The following SDK1 variants were observed in gnomAD, a reference collection of about 807,000 sequenced individuals.
The protein encoded by SDK1 is sidekick cell adhesion molecule 1.
In SDK1, 157 loss-of-function variants were observed where a neutral mutation model predicts 245.5. That is an observed-to-expected ratio of 0.64 (90% CI 0.56 to 0.73). SDK1 has a LOEUF of 0.73. Among genes scored for constraint, SDK1 ranks in the 30% least tolerant of loss-of-function variants. SDK1 has a pLI of 0.00. For missense variants in SDK1, 3,583 were observed against 3,002.3 expected, an observed-to-expected ratio of 1.19 and a Z score of -4.52; for synonymous variants, 1,647 against 1,278.5, an observed-to-expected ratio of 1.29 and a Z score of -6.15.
chr7:3,854,450 T>A (rs1159630470), intron 5 of SDK1, among the ~76,000 whole-genome samples: 1 of 152,236 alleles, frequency 6.6e-6, no homozygotes, highest in African/African-American at 2.4e-5. Flanking sequence ...TCTCATTTCC[T>A]TACCTGAAAT....
intron 13 of SDK1, among the ~76,000 whole-genome samples, chr7:3,975,105 G>T (rs143122990): frequency 6.6e-6 from 1 of 152,140 alleles, no homozygotes; most frequent in Non-Finnish European, 1.5e-5. Flanking sequence ...AAGAGCCCAG[G>T]CGGGAAACCG....
At position 4,061,898 on chromosome 7, in the gene SDK1, G is replaced by A. The variant is rs868584653; in HGVS notation, c.2912-5940G>A. Among the ~76,000 whole-genome samples the A allele has an allele frequency of 5.5e-5, 8 of 146,032 alleles. 1 individual carries two copies. Among genetic ancestry groups the A allele is most frequent in the South Asian group, 4.4e-4 (2 of 4,536 alleles). ...ATCGCAAGAACAAAAAACCAAACAC[G>A]GCATATTCTCACTCATAGGTGGGAA... On this transcript the variant is annotated intron_variant, in intron 19 of 44. Coordinates refer to ENST00000404826, the MANE Select transcript of SDK1 (RefSeq NM_152744.4).
chr7:3,463,962 T>C (rs1780912155), intron 1 of SDK1, among the ~76,000 whole-genome samples: 1 of 152,190 alleles, frequency 6.6e-6, no homozygotes, highest in Non-Finnish European at 1.5e-5. Flanking sequence ...CTCTGGAGCT[T>C]CATTACCCAG....
chr7:3,716,752 C>T (rs1285944676), intron 4 of SDK1, among the ~76,000 whole-genome samples: 2 of 148,210 alleles, frequency 1.3e-5, no homozygotes, highest in Non-Finnish European at 1.5e-5. Flanking sequence ...AAGTGAGACC[C>T]TGTCTCACCA....
At chr7:4,125,248 G>A (rs973133328) in intron 25 of SDK1, among the ~76,000 whole-genome samples, 1 of 150,762 alleles carries the variant, frequency 6.6e-6, no homozygotes, top group Non-Finnish European at 1.5e-5. Flanking sequence ...ATGGAGGAAT[G>A]AATGGATGGA....
intron 14 of SDK1, among the ~76,000 whole-genome samples, chr7:3,990,925 C>T (rs549125342): frequency 6.6e-6 from 1 of 152,194 alleles, no homozygotes; most frequent in Non-Finnish European, 1.5e-5. Flanking sequence ...AAGCAGGTTT[C>T]GTGTGTAACT....
chr7:3,687,585 C>G (rs528828102), intron 4 of SDK1, among the ~76,000 whole-genome samples: 1 of 152,274 alleles, frequency 6.6e-6, no homozygotes, highest in South Asian at 2.1e-4. Flanking sequence ...GGATGCATCT[C>G]CAAGAAATGG....
rs149213681 is a variant in SDK1, at chr7:3,944,006, A to G, written c.848-6917A>G. ...TCAGTGTCTTCACCTCCAGCCACCT[A>G]AAACCAGCCTGGGAAACGTTCAGTT... On this transcript the variant is annotated intron_variant, in intron 5 of 44. Coordinates refer to ENST00000404826, the MANE Select transcript of SDK1 (RefSeq NM_152744.4). 4.4e-3 allele frequency among the ~76,000 whole-genome samples: 668 copies of G among 152,330 alleles called. 4 individuals are homozygous for G. Among genetic ancestry groups the G allele is most frequent in the Middle Eastern group, 0.017 (5 of 294 alleles).
chr7:3,529,048 A>G (rs1466252997), intron 1 of SDK1, among the ~76,000 whole-genome samples: 1 of 152,148 alleles, frequency 6.6e-6, no homozygotes, highest in Non-Finnish European at 1.5e-5. Flanking sequence ...AAGTAAATAT[A>G]TTGAGGGTAA....
chr7:4,177,913 T>A (rs1372935154), intron 34 of SDK1, among the ~76,000 whole-genome samples: 3 of 152,038 alleles, frequency 2.0e-5, no homozygotes, highest in Non-Finnish European at 1.5e-5. Flanking sequence ...TAGATTCTCA[T>A]AAGAGTGCAA....
chr7:3,951,541 A>G (rs1270866460), intron 6 of SDK1, among the ~76,000 whole-genome samples, 189 bp from the exon 7 acceptor site: 1 of 152,208 alleles, frequency 6.6e-6, no homozygotes, highest in African/African-American at 2.4e-5. Context: ...CTTGAGCAGA[A>G]TGCATCGTCA....
At chr7:4,239,782 C>T (rs756637967) in intron 42 of SDK1, among the ~76,000 whole-genome samples, 2 of 152,218 alleles carry the variant, frequency 1.3e-5, no homozygotes, top group Non-Finnish European at 2.9e-5. Context: ...CTGAGCTCAG[C>T]TCATTTGTTG....
In SDK1 at chr7:3,877,232, T is replaced by G. The variant is rs144285545; in HGVS notation, c.847+55649T>G. ...GCCCATGGCAGCTGAGCGTTGCCCC[T>G]GTTTTTTCCATGCATTGGAGAGTCC... On this transcript the variant is annotated intron_variant, in intron 5 of 44. Transcript: ENST00000404826. 4.9e-3 allele frequency among the ~76,000 whole-genome samples: 751 copies of G among 152,330 alleles called. 7 individuals are homozygous for G. The highest frequency in any genetic ancestry group is 0.017 in the African/African-American group (709 of 41,560).
chr7:3,798,319 A>G (rs762678459), intron 4 of SDK1, among the ~76,000 whole-genome samples: 2 of 143,336 alleles, frequency 1.4e-5, no homozygotes, highest in Non-Finnish European at 3.0e-5. Context: ...CTGGGTTCAC[A>G]CCATTCTCCT....
intron 1 of SDK1, among the ~76,000 whole-genome samples, chr7:3,485,278 CGTG>C (rs1246367209): frequency 3.3e-5 from 5 of 152,084 alleles, no homozygotes; most frequent in South Asian, 2.1e-4. Context: ...TTTCCCTAGA[CGTG>C]GTGGCCATTT....
At chr7:4,261,195 C>T (rs987804326) in intron 44 of SDK1, among the ~76,000 whole-genome samples, 2 of 152,160 alleles carry the variant, frequency 1.3e-5, no homozygotes, top group Non-Finnish European at 2.9e-5. Context: ...ATCCAAGTCC[C>T]TAGGTGCCGG....
intron 4 of SDK1, among the ~76,000 whole-genome samples, chr7:3,819,471 A>G (rs549758088): frequency 6.7e-6 from 1 of 149,900 alleles, no homozygotes; most frequent in South Asian, 2.1e-4. Flanking sequence ...GGTAAAAATC[A>G]GATGTCAAAG....
chr7:3,659,597 T>G (rs1783292217), intron 4 of SDK1, among the ~76,000 whole-genome samples: 3 of 152,134 alleles, frequency 2.0e-5, no homozygotes. Flanking sequence ...GGGACTAGAT[T>G]GTGCTGGGTT....
intron 5 of SDK1, among the ~76,000 whole-genome samples, chr7:3,835,057 C>T (rs762636610): frequency 3.3e-5 from 5 of 152,138 alleles, no homozygotes; most frequent in Admixed American, 6.6e-5. Flanking sequence ...CCTTGGAGAT[C>T]GCACTCAAGA....
Sources: allele counts gnomAD v4.1 joint callset (sites outside exome capture counted in the v4.1 genomes callset), GRCh38; gene constraint gnomAD v4.1.1; transcripts MANE v1.5; gene names NCBI Gene and HGNC (gene_info 2026-07-23, HGNC 2026-07-21).